PTPRB: variants seen among roughly 807,000 people sequenced by gnomAD.
PTPRB encodes receptor-type tyrosine-protein phosphatase beta.
In PTPRB, 97 loss-of-function variants were observed where a neutral mutation model predicts 238.1. The ratio of observed to expected loss-of-function variants is 0.41; its 90% CI spans 0.35 to 0.48. The LOEUF (loss-of-function observed/expected upper bound fraction) is 0.48. PTPRB is among the 20% of genes least tolerant of loss of function. The pLI is 0.30. For synonymous variants in PTPRB, 970 were observed against 995.4 expected, an observed-to-expected ratio of 0.97 and a Z score of 0.48; for missense variants, 2,292 against 2,681.9, an observed-to-expected ratio of 0.85 and a Z score of 3.21.
intron 2 of PTPRB, 127 bp from the exon 3 acceptor site, chr12:70,622,773 TG>T: frequency 8.7e-7 from 1 of 1,147,398 alleles, no homozygotes. Context: ...TTCAGTTATA[TG>T]AAAAAGCAAA....
intron 15 of PTPRB, 55 bp downstream of exon 15, chr12:70,566,380 C>A: frequency 6.6e-7 from 1 of 1,519,588 alleles, no homozygotes; most frequent in Non-Finnish European, 9.0e-7. Flanking sequence ...GGGGTTCTTA[C>A]ACAATAGCAG....
intron 21 of PTPRB, among the ~76,000 whole-genome samples, chr12:70,549,468 T>C (rs1418039477): frequency 6.6e-6 from 1 of 152,186 alleles, no homozygotes; most frequent in African/African-American, 2.4e-5. Context: ...ATAAAACATA[T>C]GAATCATAGG....
At chr12:70,615,104 G>A (rs1884620541) in intron 3 of PTPRB, among the ~76,000 whole-genome samples, 1 of 152,128 alleles carries the variant, frequency 6.6e-6, no homozygotes. Flanking sequence ...TAAATATTAA[G>A]TTCCATGATT....
chr12:70,523,369 C>T (rs1871895232), intron 33 of PTPRB, among the ~76,000 whole-genome samples: 1 of 152,072 alleles, frequency 6.6e-6, no homozygotes, highest in African/African-American at 2.4e-5. Flanking sequence ...CCAGGCTTGT[C>T]AAACTTTTAG....
At chr12:70,544,809 A>C (rs1227183848) in intron 21 of PTPRB, 146 bp from the exon 22 acceptor site, 1 of 506,770 alleles carries the variant, frequency 2.0e-6, no homozygotes. Flanking sequence ...ACCTGGGTTC[A>C]TGCATTCATT....
chr12:70,564,858 TAATAATAATAATAA>T (rs1388365924), intron 15 of PTPRB, among the ~76,000 whole-genome samples: 2 of 92,152 alleles, frequency 2.2e-5, no homozygotes, highest in Non-Finnish European at 4.4e-5. Flanking sequence ...ATAATAATAA[TAATAATAATAATAA>T]TAATAATAAT....
intron 3 of PTPRB, among the ~76,000 whole-genome samples, chr12:70,621,989 A>G (rs892731529): frequency 1.3e-5 from 2 of 152,180 alleles, no homozygotes; most frequent in Non-Finnish European, 2.9e-5. Flanking sequence ...TGATTCTTGA[A>G]TCTGCCATTG....
chr12:70,568,577 G>GT (rs549705962), intron 14 of PTPRB, among the ~76,000 whole-genome samples: 69 of 152,270 alleles, frequency 4.5e-4, no homozygotes, highest in Non-Finnish European at 9.0e-4. Context: ...GATTACAGGC[G>GT]TGAGCTACCG....
At chr12:70,564,289 A>G (rs1395262204) in intron 15 of PTPRB, among the ~76,000 whole-genome samples, 1 of 152,086 alleles carries the variant, frequency 6.6e-6, no homozygotes, top group Non-Finnish European at 1.5e-5. Context: ...AGGAGGGTGG[A>G]TCACCTGAGG....
intron 4 of PTPRB, among the ~76,000 whole-genome samples, chr12:70,607,685 C>T (rs184918429): frequency 5.1e-4 from 77 of 151,604 alleles, no homozygotes; most frequent in African/African-American, 1.4e-3. Flanking sequence ...TACAGGCGCC[C>T]GCCACCACAC....
chr12:70,555,326 G>A lies in PTPRB; in HGVS notation c.4994-17C>T. The A allele has an allele frequency of 6.2e-7, 1 of 1,604,426 alleles. No individual in the cohort carries two copies. The highest frequency in any genetic ancestry group is 8.5e-7 in the Non-Finnish European group (1 of 1,175,492). The stretch of plus-strand genomic sequence containing the variant: ...GAGGGGGGCCTGGAAAAAGAGGTGG[G>A]GAAGGAACCAAGAGGGGTCACAACT... On this transcript the variant is annotated splice_polypyrimidine_tract_variant and intron_variant, in intron 19 of 33. Transcript: ENST00000334414.
intron 2 of PTPRB, among the ~76,000 whole-genome samples, chr12:70,626,369 TCCTGCCTGCCTG>T (rs757749640): frequency 1.5e-4 from 19 of 124,510 alleles, no homozygotes; most frequent in African/African-American, 2.6e-4. Flanking sequence ...CTATCTATAT[TCCTGCCTGCCTG>T]CCTGCCTGCC....
At chr12:70,555,792 T>C in intron 19 of PTPRB, 78 bp downstream of exon 19, 2 of 1,509,492 alleles carry the variant, frequency 1.3e-6, no homozygotes, top group Non-Finnish European at 8.9e-7. Flanking sequence ...ATAGCAGTGA[T>C]GGATATGATA....
At chr12:70,550,680 T>C (rs1347964019) in intron 21 of PTPRB, among the ~76,000 whole-genome samples, 2 of 152,146 alleles carry the variant, frequency 1.3e-5, no homozygotes, top group Non-Finnish European at 2.9e-5. Flanking sequence ...GCTGGGAGAT[T>C]GGTGGGCTCT....
chr12:70,595,926 T>C, intron 5 of PTPRB, 123 bp downstream of exon 5: 1 of 966,528 alleles, frequency 1.0e-6, no homozygotes, highest in Non-Finnish European at 1.4e-6. Flanking sequence ...CTTTTAAAAA[T>C]TTAACTAATT....
At position 70,635,654 on chromosome 12, in the gene PTPRB, T is replaced by A. The variant is rs1885648670; in HGVS notation, c.451+17A>T. ...GTAGAAAGACTTTCAGGATTTGCTCTGAAAGGAATAGCTCACCTTTTTGTA... is the reference window on the plus strand; with the variant it reads ...GTAGAAAGACTTTCAGGATTTGCTCAGAAAGGAATAGCTCACCTTTTTGTA... On this transcript the variant is annotated intron_variant, in intron 2 of 33. Coordinates refer to ENST00000334414, the MANE Select transcript of PTPRB (RefSeq NM_001109754.4). 6.2e-7 allele frequency: 1 copy of A among 1,603,724 alleles called. No individual in the cohort carries two copies. Among genetic ancestry groups the A allele is most frequent in the African/African-American group, 1.3e-5 (1 of 74,438 alleles).
rs1444200578 is a variant in PTPRB at position 70,534,504 on chromosome 12, T to G, written c.6352A>C (p.Thr2118Pro). ...YINRSPGAGP[T>P]VVHCSAGVGR... ...TCCTAGTACCTGCAGTGCACCACAG[T>G]GGGCCCAGCACCCGGGCTTCTGTTG... is the stretch of plus-strand genomic sequence containing the variant. Residue 2118 changes from threonine to proline, a missense_variant, in exon 31 of 34, where the codon ACT (threonine) becomes CCT (proline). Thr to Pro is a conservative substitution (Grantham distance 38). Around this residue, in one of 4 missense-constraint regions of PTPRB, gnomAD observed 397 missense variants for 502.0 expected, o/e 0.79. Transcript: ENST00000334414. The G allele has an allele frequency of 3.7e-6, 6 of 1,612,496 alleles. No individual in the cohort carries two copies. Among genetic ancestry groups the G allele is most frequent in the Non-Finnish European group, 5.1e-6 (6 of 1,179,660 alleles).
At chr12:70,619,913 T>C (rs1465569774) in intron 3 of PTPRB, among the ~76,000 whole-genome samples, 1 of 152,244 alleles carries the variant, frequency 6.6e-6, no homozygotes, top group South Asian at 2.1e-4. Context: ...GACTCATTTT[T>C]ACTTTTCAAA....
In PTPRB at chr12:70,520,263, T is replaced by G. The variant is rs1197313930; in HGVS notation, c.*1226A>C. 1.7e-5 allele frequency: 8 copies of G among 458,048 alleles called. No individual in the cohort carries two copies. The highest frequency in any genetic ancestry group is 2.2e-5 in the Non-Finnish European group (5 of 228,862). 28.4% of individuals were successfully genotyped at this position (458,048 alleles called of 1,614,324 possible). A position where few individuals can be genotyped will look rare whatever the true frequency, so the allele number is the denominator to read the frequency against. On this transcript the variant is annotated 3_prime_UTR_variant, in exon 34 of 34. Coordinates refer to ENST00000334414, the MANE Select transcript of PTPRB (RefSeq NM_001109754.4). The stretch of plus-strand genomic sequence containing the variant: ...TCTGACTCATTGGAATTTGTTATAG[T>G]CAAAGTAAGTAAGGCACAAATATTG...
Sources: allele counts gnomAD v4.1 joint callset (sites outside exome capture counted in the v4.1 genomes callset), GRCh38; gene constraint gnomAD v4.1.1; regional missense constraint gnomAD v4.1.1; transcripts MANE v1.5; gene names NCBI Gene and HGNC (gene_info 2026-07-23, HGNC 2026-07-21).